The following MPDZ variants were observed in gnomAD, a reference collection of about 807,000 sequenced individuals.
MPDZ encodes multiple PDZ domain protein.
A neutral mutation model predicts 239.1 loss-of-function variants in MPDZ; 234 were observed. The observed-to-expected ratio is 0.98, with a 90% CI of 0.88 to 1.09. MPDZ has a LOEUF of 1.09. MPDZ is among the 50% of genes least tolerant of loss of function. The pLI is 0.00. For missense variants in MPDZ, 3,175 were observed against 2,510.0 expected, an observed-to-expected ratio of 1.26 and a Z score of -5.66; for synonymous variants, 1,048 against 881.3, an observed-to-expected ratio of 1.19 and a Z score of -3.35.
At chr9:13,239,208 T>A (rs1157016395) in intron 3 of MPDZ, among the ~76,000 whole-genome samples, 1 of 152,176 alleles carries the variant, frequency 6.6e-6, no homozygotes, top group African/African-American at 2.4e-5. Flanking sequence ...TGAGATCAGA[T>A]AATCATAAGA....
chr9:13,154,789 C>T (rs1949623138), intron 24 of MPDZ, among the ~76,000 whole-genome samples: 1 of 152,112 alleles, frequency 6.6e-6, no homozygotes. Flanking sequence ...TTATACCTAC[C>T]ACACCTTGTT....
rs372126160 is a variant in MPDZ, at chr9:13,123,160, G to A, written c.4946C>T (p.Thr1649Met). 18 of 1,611,866 alleles carry A rather than the reference G, an allele frequency of 1.1e-5. No individual in the cohort carries two copies. Among genetic ancestry groups the A allele is most frequent in the South Asian group, 5.5e-5 (5 of 90,924 alleles). ...LGLSIVGGSD[T>M]LLGAIIIHEV... Reference sequence around the variant, plus strand: ...CCTCTGGGTGGTGCTCACCAGCAGCGTGTCTGAACCCCCAACGATGCTCAG... The same window carrying A: ...CCTCTGGGTGGTGCTCACCAGCAGCATGTCTGAACCCCCAACGATGCTCAG... The change falls in exon 36 of 47, where the codon ACG becomes ATG. Residue 1649 changes from threonine (T) to methionine (M), a missense_variant. Thr to Met is a moderately conservative substitution (Grantham distance 81). Coordinates refer to ENST00000319217, the MANE Select transcript of MPDZ (RefSeq NM_001378778.1).
chr9:13,190,290 C>G lies in MPDZ; in HGVS notation c.1978G>C (p.Asp660His), dbSNP rs765163621. 3 of 1,575,204 alleles carry G rather than the reference C, an allele frequency of 1.9e-6. No individual in the cohort carries two copies. The highest frequency in any genetic ancestry group is 3.5e-5 in the Admixed American group (2 of 56,502). ...DIELTEKPHV[D>H]LGEFIGSSET... ...GATGACCCGATGAACTCACCTAGAT[C>G]TACGTGAGGCTGGATAATATCAGAC... The change falls in exon 16 of 47, where the codon GAT (aspartate) becomes CAT (histidine). Residue 660 changes from aspartate (D) to histidine (H), a missense_variant. Transcript: ENST00000319217.
chr9:13,253,130 T>C (rs1350781395), intron 1 of MPDZ, among the ~76,000 whole-genome samples: 1 of 151,796 alleles, frequency 6.6e-6, no homozygotes, highest in Non-Finnish European at 1.5e-5. Flanking sequence ...AGGCAGTTCC[T>C]AATTGAGAAA....
chr9:13,224,026 A>C (rs1959709151), intron 4 of MPDZ, among the ~76,000 whole-genome samples: 1 of 151,792 alleles, frequency 6.6e-6, no homozygotes, highest in Non-Finnish European at 1.5e-5. Context: ...AGAGCAAGGC[A>C]TGTCTCAAAA....
intron 21 of MPDZ, among the ~76,000 whole-genome samples, chr9:13,175,077 T>C (rs140458206): frequency 0.014 from 2,098 of 152,350 alleles, 33 homozygotes; most frequent in Middle Eastern, 0.037. Flanking sequence ...GCAACTCATC[T>C]ACCATTCTAT....
intron 1 of MPDZ, among the ~76,000 whole-genome samples, chr9:13,271,315 C>T (rs1972906207): frequency 6.6e-6 from 1 of 152,166 alleles, no homozygotes; most frequent in Middle Eastern, 3.4e-3. Context: ...CAGTTGAATC[C>T]AAAGGGGATC....
chr9:13,181,312 A>T (rs1953289758), intron 19 of MPDZ, among the ~76,000 whole-genome samples: 1 of 152,150 alleles, frequency 6.6e-6, no homozygotes, highest in African/African-American at 2.4e-5. Flanking sequence ...GTCAATTGTA[A>T]ATTCCATAAC....
rs569787832 is a variant in MPDZ, at chr9:13,186,455, G to A, written c.2365-69C>T. On this transcript the variant is annotated intron_variant, in intron 17 of 46. Transcript: ENST00000319217. ...AAAGAAGAAAGAAAATGGAAAAGAA[G>A]AGTAAAGGTAGGAAAAGTGAGGGGG... 2.4e-5 allele frequency: 28 copies of A among 1,175,046 alleles called. No homozygotes were observed. In the South Asian group the frequency reaches 3.8e-4, roughly 16 times the overall value. 72.8% of individuals were successfully genotyped at this position (1,175,046 alleles called of 1,614,324 possible).
At chr9:13,115,789 C>CA (rs962944741) in intron 39 of MPDZ, among the ~76,000 whole-genome samples, 6 of 151,626 alleles carry the variant, frequency 4.0e-5, no homozygotes, top group East Asian at 3.9e-4. Flanking sequence ...ACTAAAAATA[C>CA]AAAAAAATAG....
At position 13,192,091 on chromosome 9, in the gene MPDZ, T is replaced by C. The variant is rs1053223685; in HGVS notation, c.1968+40A>G. ...AATTTTAAGCCATTTAGCCTTTCCA[T>C]TATATATGTAGGTTAGCCTCATGTA... On this transcript the variant is annotated intron_variant, in intron 15 of 46. Coordinates refer to ENST00000319217, the MANE Select transcript of MPDZ (RefSeq NM_001378778.1). 6 of 1,458,048 alleles carry C rather than the reference T, an allele frequency of 4.1e-6. 1 individual carries two copies. The Middle Eastern group carries it at 5.4e-4, about 132-fold the overall frequency. The allele number at this position is 1,458,048 out of a possible 1,614,324, so 90.3% of individuals were successfully genotyped here.
At chr9:13,273,240 A>T (rs1973417142) in intron 1 of MPDZ, among the ~76,000 whole-genome samples, 1 of 152,230 alleles carries the variant, frequency 6.6e-6, no homozygotes, top group African/African-American at 2.4e-5. Flanking sequence ...AATGAACTAA[A>T]ACAGGGGCCT....
chr9:13,187,524 G>T (rs956374046), intron 17 of MPDZ, among the ~76,000 whole-genome samples: 1 of 151,952 alleles, frequency 6.6e-6, no homozygotes, highest in Non-Finnish European at 1.5e-5. Flanking sequence ...AGCCTGGTTC[G>T]ATTTCAGATT....
chr9:13,109,715 G>A (rs1942097714), intron 45 of MPDZ, among the ~76,000 whole-genome samples: 2 of 152,098 alleles, frequency 1.3e-5, no homozygotes, highest in Non-Finnish European at 2.9e-5. Flanking sequence ...CCATGGGAAG[G>A]GTAGTAGCAC....
chr9:13,270,354 A>G (rs1240138794), intron 1 of MPDZ, among the ~76,000 whole-genome samples: 1 of 152,200 alleles, frequency 6.6e-6, no homozygotes, highest in African/African-American at 2.4e-5. Flanking sequence ...CCAACATAAC[A>G]GGTTTTCATA....
intron 1 of MPDZ, among the ~76,000 whole-genome samples, chr9:13,271,389 G>C (rs1338164348): frequency 6.6e-6 from 1 of 152,114 alleles, no homozygotes; most frequent in Admixed American, 6.6e-5. Flanking sequence ...AAGGCAAATA[G>C]GAAACGGAAG....
intron 3 of MPDZ, among the ~76,000 whole-genome samples, chr9:13,229,477 C>T (rs1961700289): frequency 6.7e-6 from 1 of 149,694 alleles, no homozygotes; most frequent in African/African-American, 2.5e-5. Context: ...GCTGACTTCT[C>T]AAGAAAAACA....
At chr9:13,245,464 A>G (rs1966392704) in intron 3 of MPDZ, among the ~76,000 whole-genome samples, 1 of 151,430 alleles carries the variant, frequency 6.6e-6, no homozygotes, top group Non-Finnish European at 1.5e-5. Context: ...AAGAAAACTG[A>G]GTTCTAGTTC....
intron 19 of MPDZ, among the ~76,000 whole-genome samples, chr9:13,176,873 G>A (rs750615413): frequency 1.3e-5 from 2 of 151,974 alleles, no homozygotes; most frequent in African/African-American, 2.4e-5. Context: ...GACTCATAAG[G>A]GCCTCCAAGA....
Sources: allele counts gnomAD v4.1 joint callset (sites outside exome capture counted in the v4.1 genomes callset), GRCh38; gene constraint gnomAD v4.1.1; transcripts MANE v1.5; gene names NCBI Gene and HGNC (gene_info 2026-07-23, HGNC 2026-07-21).